Variants in CDH23 observed in about 807,000 individuals in gnomAD.
CDH23 encodes the protein cadherin related 23, also known as cadherin-23.
A neutral mutation model predicts 317.1 loss-of-function variants in CDH23; 189 were observed. The ratio of observed to expected loss-of-function variants is 0.60; its 90% confidence interval spans 0.53 to 0.67. CDH23 has a LOEUF of 0.67. Among genes scored for constraint, CDH23 ranks in the 30% least tolerant of loss-of-function variants. The pLI is 0.00. For synonymous variants in CDH23, 1,839 were observed against 1,876.8 expected, an observed-to-expected ratio of 0.98 and a Z score of 0.52; for missense variants, 4,401 against 4,592.4, an observed-to-expected ratio of 0.96 and a Z score of 1.20.
At chr10:71,571,065 C>A in intron 8 of CDH23, 147 bp downstream of exon 8, 1 of 825,910 alleles carries the variant, frequency 1.2e-6, no homozygotes, top group Non-Finnish European at 1.9e-6. Flanking sequence ...AGTGTTCTGG[C>A]ACAGCGAAAC....
intron 6 of CDH23, among the ~76,000 whole-genome samples, chr10:71,545,797 T>TGAG (rs1201986246): frequency 1.3e-5 from 2 of 152,140 alleles, no homozygotes; most frequent in Non-Finnish European, 2.9e-5. Flanking sequence ...AGGGCCTCTC[T>TGAG]GAGGACATGT....
intron 9 of CDH23, among the ~76,000 whole-genome samples, chr10:71,588,694 C>T (rs1031346918): frequency 1.8e-4 from 28 of 152,290 alleles, no homozygotes; most frequent in African/African-American, 6.3e-4. Flanking sequence ...AAAATCCCCA[C>T]AAAATATTGC....
intron 38 of CDH23, 122 bp from the exon 39 acceptor site, chr10:71,777,555 TTTC>T (rs1840843255): frequency 1.2e-6 from 1 of 804,036 alleles, no homozygotes; most frequent in African/African-American, 1.7e-5. Flanking sequence ...CACCCCCTGC[TTTC>T]TTCTCCTTGC....
At chr10:71,489,955 G>A (rs1024410007) in intron 3 of CDH23, among the ~76,000 whole-genome samples, 7 of 151,880 alleles carry the variant, frequency 4.6e-5, no homozygotes, top group Non-Finnish European at 7.4e-5. Flanking sequence ...ACTGGCTTGT[G>A]TGGGGGTATG....
intron 14 of CDH23, among the ~76,000 whole-genome samples, chr10:71,647,462 CAAA>C (rs56367143): frequency 6.8e-6 from 1 of 148,046 alleles, no homozygotes; most frequent in Non-Finnish European, 1.5e-5. Context: ...GATTCTGTCT[CAAA>C]AAAAAAAAAA....
chr10:71,754,870 T>A (rs1375865069), intron 38 of CDH23, among the ~76,000 whole-genome samples: 1 of 152,222 alleles, frequency 6.6e-6, no homozygotes, highest in East Asian at 1.9e-4. Flanking sequence ...CAGTCAGTTA[T>A]GTAACCCCAC....
rs569309033 is a variant in CDH23 at position 71,789,785 on chromosome 10, G to A, written c.5924-503G>A. ...GACATGCCCACCTGCAGAGGCACAC[G>A]AGTGCACAACCAGGGAATCCCAGGC... is the stretch of plus-strand genomic sequence containing the variant. On this transcript the variant is annotated intron_variant, in intron 45 of 69. Coordinates refer to ENST00000224721, the MANE Select transcript of CDH23 (RefSeq NM_022124.6). Among the ~76,000 whole-genome samples the A allele has an allele frequency of 8.5e-5, 13 of 152,328 alleles. No homozygotes were observed. In the East Asian group the frequency reaches 1.7e-3, roughly 20 times the overall value.
At position 71,645,942 on chromosome 10, in the gene CDH23, C is replaced by T; in HGVS notation, c.1252C>T (p.Pro418Ser). ...KADIRIRVAI[P>S]LDYETVDRYD... is the part of the protein sequence containing the mutation. ...GGACATTCGTATTCGGGTGGCCATCCCACTGGACTACGAGACCGTGGACCG... is the reference window on the plus strand; with the variant it reads ...GGACATTCGTATTCGGGTGGCCATCTCACTGGACTACGAGACCGTGGACCG... The change falls in exon 13 of 70, where the codon CCA (proline) becomes TCA (serine). Residue 418 changes from proline to serine, a missense_variant. This residue lies in a region of CDH23 where 3,068 missense variants were observed against 3,203.3 expected (regional missense o/e 0.96). Transcript: ENST00000224721. 1.2e-6 allele frequency: 2 copies of T among 1,613,392 alleles called. No individual in the cohort carries two copies. Among genetic ancestry groups the T allele is most frequent in the Non-Finnish European group, 1.7e-6 (2 of 1,179,690 alleles).
intron 50 of CDH23, among the ~76,000 whole-genome samples, 183 bp downstream of exon 50, chr10:71,798,761 G>C (rs1161058169): frequency 6.6e-6 from 1 of 152,200 alleles, no homozygotes; most frequent in Non-Finnish European, 1.5e-5. Flanking sequence ...TTACTCCTGG[G>C]TTGGGATGGA....
chr10:71,398,140 A>T (rs1847610771), intron 1 of CDH23, among the ~76,000 whole-genome samples: 1 of 152,182 alleles, frequency 6.6e-6, no homozygotes, highest in African/African-American at 2.4e-5. Flanking sequence ...GCGGGCACCT[A>T]GAGAGGCTGC....
Position 71,759,130 on chromosome 10 carries a change from C to T in CDH23, c.4845+17209C>T, listed in dbSNP as rs147940584. Among the ~76,000 whole-genome samples the T allele has an allele frequency of 3.2e-3, 480 of 152,088 alleles. 5 individuals are homozygous for T. The highest frequency in any genetic ancestry group is 0.011 in the African/African-American group (458 of 41,490). On this transcript the variant is annotated intron_variant, in intron 38 of 69. Transcript: ENST00000224721. Reference sequence around the variant, plus strand: ...TCGGCTCACTGTAACCTCTGACTCCCGGGTTCAAGCGATTCTCTTGCCTCA... The same window carrying T: ...TCGGCTCACTGTAACCTCTGACTCCTGGGTTCAAGCGATTCTCTTGCCTCA...
intron 11 of CDH23, among the ~76,000 whole-genome samples, chr10:71,621,720 G>T (rs1024689525): frequency 2.0e-5 from 3 of 152,214 alleles, no homozygotes; most frequent in Admixed American, 6.5e-5. Flanking sequence ...TCCTAATGAG[G>T]ATGCTAATCG....
chr10:71,511,091 G>A (rs1418829342), intron 5 of CDH23, 29 bp from the exon 6 acceptor site: 2 of 1,611,842 alleles, frequency 1.2e-6, no homozygotes, highest in East Asian at 2.2e-5. Flanking sequence ...TCAGGTGGCG[G>A]CGCTAATTGC....
intron 3 of CDH23, among the ~76,000 whole-genome samples, chr10:71,467,780 T>C (rs975844954): frequency 3.9e-5 from 6 of 152,158 alleles, no homozygotes; most frequent in African/African-American, 1.4e-4. Context: ...TAAACAGCAT[T>C]ATGTGTATCG....
intron 9 of CDH23, among the ~76,000 whole-genome samples, chr10:71,609,193 A>G (rs1860709647): frequency 6.6e-6 from 1 of 151,630 alleles, no homozygotes; most frequent in African/African-American, 2.4e-5. Flanking sequence ...GGATAAGCCT[A>G]AGCTCCCCCT....
At chr10:71,417,225 C>T (rs1311958601) in intron 1 of CDH23, among the ~76,000 whole-genome samples, 1 of 151,882 alleles carries the variant, frequency 6.6e-6, no homozygotes, top group African/African-American at 2.4e-5. Flanking sequence ...TACAGGCGCA[C>T]ACCACCACAC....
At chr10:71,788,888 G>A (rs1841169015) in intron 44 of CDH23, 52 bp from the exon 45 acceptor site, 3 of 909,148 alleles carry the variant, frequency 3.3e-6, no homozygotes, top group Non-Finnish European at 3.7e-6. Context: ...CACCTAGGTG[G>A]GGGCACTTTG....
At chr10:71,679,541 G>A (rs754368072) in intron 17 of CDH23, 49 bp downstream of exon 17, 10 of 1,384,354 alleles carry the variant, frequency 7.2e-6, no homozygotes, top group African/African-American at 2.9e-5. Context: ...GGGCTGGGGG[G>A]CTCTCTGCAC....
intron 14 of CDH23, among the ~76,000 whole-genome samples, chr10:71,655,147 C>T (rs1356187730): frequency 6.6e-6 from 1 of 152,146 alleles, no homozygotes; most frequent in Non-Finnish European, 1.5e-5. Flanking sequence ...TGCAAATCCC[C>T]TTTCCAGCCT....
Sources: gnomAD v4.1 joint callset for allele counts (sites outside exome capture counted in the v4.1 genomes callset) on GRCh38, gnomAD v4.1.1 for gene constraint, gnomAD v4.1.1 regional missense constraint, MANE v1.5 for transcripts, NCBI Gene and HGNC (gene_info 2026-07-23, HGNC 2026-07-21) for gene names.